The following CYTH1 variants were observed in gnomAD, a reference collection of about 807,000 sequenced individuals.
The protein encoded by CYTH1 is cytohesin-1.
In CYTH1, 18 loss-of-function variants were observed where a neutral mutation model predicts 61.8. The observed-to-expected ratio is 0.29, with a 90% CI of 0.20 to 0.43. CYTH1 has a LOEUF of 0.43. CYTH1 is among the 20% of genes least tolerant of loss of function. The pLI is 1.00. For missense variants in CYTH1, 336 were observed against 510.5 expected, an observed-to-expected ratio of 0.66 and a Z score of 3.29; for synonymous variants, 174 against 184.3, an observed-to-expected ratio of 0.94 and a Z score of 0.45.
Position 78,695,404 on chromosome 17 carries a change from T to A in CYTH1, c.814+603A>T, listed in dbSNP as rs531450753. Among the ~76,000 whole-genome samples, 6 of 152,274 alleles carry A rather than the reference T, an allele frequency of 3.9e-5. No individual in the cohort carries two copies. In the South Asian group the frequency reaches 1.2e-3, roughly 32 times the overall value. ...TTGTTTTTTTCACCTTCACTCGGTA[T>A]CATTTTGAGTTTAGGAAATACCATT... On this transcript the variant is annotated intron_variant, in intron 10 of 13. Coordinates refer to ENST00000446868, the MANE Select transcript of CYTH1 (RefSeq NM_004762.6).
intron 1 of CYTH1, among the ~76,000 whole-genome samples, chr17:78,754,397 G>A (rs1276871710): frequency 6.6e-6 from 1 of 151,646 alleles, no homozygotes; most frequent in African/African-American, 2.4e-5. Context: ...AGGCTGGAGT[G>A]CAGTGGTGCA....
intron 1 of CYTH1, among the ~76,000 whole-genome samples, chr17:78,725,683 C>T (rs983099917): frequency 1.3e-5 from 2 of 152,214 alleles, no homozygotes; most frequent in African/African-American, 4.8e-5. Context: ...GAGTGGATCA[C>T]AGCCGGGGTT....
intron 3 of CYTH1, among the ~76,000 whole-genome samples, chr17:78,705,734 C>A (rs2093058711): frequency 6.6e-6 from 1 of 152,104 alleles, no homozygotes; most frequent in African/African-American, 2.4e-5. Context: ...TACCGGAAAA[C>A]CATTTTAAGT....
rs183955509 is a variant in CYTH1, at chr17:78,702,748, G to A, written c.171-144C>T. 3.6e-4 allele frequency: 307 copies of A among 847,810 alleles called. 1 individual carries two copies. Among genetic ancestry groups the A allele is most frequent in the Non-Finnish European group, 5.3e-4 (283 of 537,580 alleles). The allele number at this position is 847,810 out of a possible 1,614,324, so 52.5% of individuals were successfully genotyped here. ...GGCATAATCTGGTGGAACTATGAAA[G>A]GCCAACTGAAACCTGAAGCCTGAAC... On this transcript the variant is annotated intron_variant, in intron 3 of 13. Coordinates refer to ENST00000446868, the MANE Select transcript of CYTH1 (RefSeq NM_004762.6).
At chr17:78,762,542 T>C (rs984939960) in intron 1 of CYTH1, among the ~76,000 whole-genome samples, 3 of 152,176 alleles carry the variant, frequency 2.0e-5, no homozygotes, top group Non-Finnish European at 4.4e-5. Flanking sequence ...CCCAAAGATA[T>C]ACATGTCCTA....
At chr17:78,676,398 T>G (rs1446990575) in intron 13 of CYTH1, 1 of 551,852 alleles carries the variant, frequency 1.8e-6, no homozygotes, top group Non-Finnish European at 3.2e-6. Flanking sequence ...ATTTTGGGGT[T>G]TTTACCTGTT....
At chr17:78,688,266 T>C (rs1404851056) in intron 11 of CYTH1, among the ~76,000 whole-genome samples, 1 of 152,204 alleles carries the variant, frequency 6.6e-6, no homozygotes, top group Non-Finnish European at 1.5e-5. Context: ...ATTCAAAGAC[T>C]TGAATAGCAG....
intron 1 of CYTH1, among the ~76,000 whole-genome samples, chr17:78,767,227 G>C (rs1207896883): frequency 2.0e-5 from 3 of 152,120 alleles, no homozygotes; most frequent in African/African-American, 7.2e-5. Flanking sequence ...CAGCACTTTG[G>C]GAGTCCGAGA....
At chr17:78,772,526 T>G (rs887329729) in intron 1 of CYTH1, among the ~76,000 whole-genome samples, 1 of 152,112 alleles carries the variant, frequency 6.6e-6, no homozygotes, top group African/African-American at 2.4e-5. Flanking sequence ...CTGAAGTGTT[T>G]TGTTTTGTTT....
intron 1 of CYTH1, among the ~76,000 whole-genome samples, chr17:78,735,714 A>T (rs899674150): frequency 6.6e-6 from 1 of 152,244 alleles, no homozygotes; most frequent in African/African-American, 2.4e-5. Flanking sequence ...CCCAAGTTTT[A>T]TTACAACTTT....
intron 1 of CYTH1, among the ~76,000 whole-genome samples, chr17:78,770,580 G>A (rs1023289608): frequency 4.6e-5 from 7 of 151,858 alleles, no homozygotes; most frequent in Non-Finnish European, 1.0e-4. Context: ...CATCACGCCT[G>A]GCTAATTTTT....
chr17:78,751,269 A>G (rs1341066982), intron 1 of CYTH1, among the ~76,000 whole-genome samples: 3 of 152,096 alleles, frequency 2.0e-5, no homozygotes, highest in African/African-American at 7.2e-5. Context: ...GTGAGCCACC[A>G]TGCCCAGCCA....
At chr17:78,779,066 T>C (rs1235158593) in intron 1 of CYTH1, among the ~76,000 whole-genome samples, 1 of 152,158 alleles carries the variant, frequency 6.6e-6, no homozygotes, top group Non-Finnish European at 1.5e-5. Flanking sequence ...CTTCAATCTT[T>C]TTAGTTCCTC....
At chr17:78,731,889 A>G (rs975918398) in intron 1 of CYTH1, among the ~76,000 whole-genome samples, 3 of 152,226 alleles carry the variant, frequency 2.0e-5, no homozygotes, top group Non-Finnish European at 1.5e-5. Flanking sequence ...AATCCAAGGG[A>G]AAAATGAGAG....
At chr17:78,689,947 GC>G (rs897352286) in intron 11 of CYTH1, among the ~76,000 whole-genome samples, 2 of 151,916 alleles carry the variant, frequency 1.3e-5, no homozygotes, top group African/African-American at 4.8e-5. Flanking sequence ...CCTGACTGCT[GC>G]CCCTGCCACC....
rs907051318 is a variant in CYTH1 at position 78,717,733 on chromosome 17, T to C, written c.23-8001A>G. ...AAGTTCCACGGAAAACGCAGCTCTC[T>C]GACAGCAGGTTCTGCTTGGCAGACA... is the stretch of plus-strand genomic sequence containing the variant. On this transcript the variant is annotated intron_variant, in intron 1 of 13. Coordinates refer to ENST00000446868, the MANE Select transcript of CYTH1 (RefSeq NM_004762.6). The surrounding 1 kb of genome is among the most constrained non-coding windows in gnomAD (Gnocchi z 4.4). 9.2e-5 allele frequency among the ~76,000 whole-genome samples: 14 copies of C among 152,268 alleles called. No individual in the cohort carries two copies. The highest frequency in any genetic ancestry group is 9.1e-4 in the Admixed American group (14 of 15,304).
At chr17:78,774,063 T>TA (rs59171775) in intron 1 of CYTH1, among the ~76,000 whole-genome samples, 9,903 of 151,880 alleles carry the variant, frequency 0.065, 606 homozygotes, top group African/African-American at 0.15. Flanking sequence ...TTGTTTGTTT[T>TA]AAAAAAAAAC....
At chr17:78,756,324 C>T (rs920316023) in intron 1 of CYTH1, among the ~76,000 whole-genome samples, 12 of 152,098 alleles carry the variant, frequency 7.9e-5, no homozygotes, top group African/African-American at 2.9e-4. Flanking sequence ...GATCCACTCG[C>T]CTCGGCCTCT....
At chr17:78,705,359 T>G (rs1441393656) in intron 3 of CYTH1, among the ~76,000 whole-genome samples, 1 of 152,208 alleles carries the variant, frequency 6.6e-6, no homozygotes. Flanking sequence ...CCTATAGCTC[T>G]AGGCCTTAGG....
Sources: gnomAD v4.1 joint callset for allele counts (sites outside exome capture counted in the v4.1 genomes callset) on GRCh38, gnomAD v4.1.1 for gene constraint, Gnocchi (gnomAD v3.1) non-coding constraint, MANE v1.5 for transcripts, NCBI Gene and HGNC (gene_info 2026-07-23, HGNC 2026-07-21) for gene names.